Variants in DMD observed in about 807,000 individuals in gnomAD.
The protein encoded by DMD is dystrophin.
In DMD, 63 loss-of-function variants were observed where a neutral mutation model predicts 330.1. The ratio of observed to expected loss-of-function variants is 0.19; its 90% confidence interval spans 0.16 to 0.24. The LOEUF (loss-of-function observed/expected upper bound fraction) is 0.24. DMD is among the 10% of genes least tolerant of loss of function. DMD has a pLI of 1.00. For missense variants in DMD, 3,344 were observed against 2,684.1 expected, an observed-to-expected ratio of 1.25 and a Z score of -5.43; for synonymous variants, 1,223 against 959.8, an observed-to-expected ratio of 1.27 and a Z score of -5.07.
At chrX:32,793,035 G>T (rs1282915032) in intron 7 of DMD, among the ~76,000 whole-genome samples, 1 of 111,408 alleles carries the variant, frequency 9.0e-6, no homozygotes, top group Non-Finnish European at 1.9e-5. Flanking sequence ...ACATTCTCCA[G>T]GACAGACCAT....
At chrX:33,213,814 T>C (rs987681725), upstream of DMD, among the ~76,000 whole-genome samples, 1 of 111,148 alleles carries the variant, frequency 9.0e-6, no homozygotes, top group Non-Finnish European at 1.9e-5. Context: ...GACATTGATA[T>C]GTATACATAT....
intron 11 of DMD, among the ~76,000 whole-genome samples, chrX:32,630,767 C>A (rs902416298): frequency 8.9e-6 from 1 of 111,825 alleles, no homozygotes; most frequent in Non-Finnish European, 1.9e-5. Flanking sequence ...CTCAAATCAG[C>A]CATTTGGAAT....
intron 59 of DMD, among the ~76,000 whole-genome samples, chrX:31,453,765 C>CAAAAAAAA (rs760511403): frequency 1.1e-3 from 10 of 8,974 alleles, no homozygotes; most frequent in African/African-American, 4.0e-3. Context: ...AAAAAACAAG[C>CAAAAAAAA]AAAAAAAAAA....
chrX:32,729,426 T>C (rs916332826), intron 7 of DMD, among the ~76,000 whole-genome samples: 12 of 111,944 alleles, frequency 1.1e-4, no homozygotes, highest in Non-Finnish European at 1.9e-4. Flanking sequence ...AAACATTTCA[T>C]GTTAATGAAT....
chrX:31,395,218 T>C lies in DMD; in HGVS notation c.9085-46584A>G, dbSNP rs1018433126. Among the ~76,000 whole-genome samples the C allele has an allele frequency of 3.6e-5, 4 of 112,097 alleles. No individual in the cohort carries two copies. The Admixed American group carries it at 3.8e-4, about 11-fold the overall frequency. ...ACAAAGGAAGAAAATAATACAAGGT[T>C]GGAAAGACTTTGGAGCTTAGTATTT... On this transcript the variant is annotated intron_variant, in intron 60 of 78. Coordinates refer to ENST00000357033, the MANE Select transcript of DMD (RefSeq NM_004006.3).
chrX:32,865,479 C>G (rs7066036), intron 2 of DMD, among the ~76,000 whole-genome samples: 49,028 of 109,623 alleles, frequency 0.45, 9,534 homozygotes, highest in African/African-American at 0.74. Flanking sequence ...GGAAACTTCA[C>G]ATGCTAAGGA....
chrX:31,529,565 G>C (rs2073542947), intron 55 of DMD, among the ~76,000 whole-genome samples: 1 of 110,903 alleles, frequency 9.0e-6, no homozygotes, highest in South Asian at 3.9e-4. Flanking sequence ...TTCTCTCCAA[G>C]TAACAAAAGG....
At chrX:31,269,381 A>T (rs1184439703) in intron 62 of DMD, among the ~76,000 whole-genome samples, 1 of 111,044 alleles carries the variant, frequency 9.0e-6, no homozygotes, top group Non-Finnish European at 1.9e-5. Context: ...TTTTGATATG[A>T]ACCACGGACA....
At chrX:33,138,422 C>A (rs1185933696) in intron 1 of DMD, among the ~76,000 whole-genome samples, 1 of 111,908 alleles carries the variant, frequency 8.9e-6, no homozygotes, top group Admixed American at 9.5e-5. Context: ...CAGCATTCTC[C>A]TATCCCTAAT....
At chrX:32,089,585 G>A (rs2096462495) in intron 44 of DMD, among the ~76,000 whole-genome samples, 2 of 111,612 alleles carry the variant, frequency 1.8e-5, no homozygotes, top group South Asian at 7.5e-4. Context: ...AATGGCCACT[G>A]GCTCCATCCA....
At chrX:32,535,241 C>A (rs181731060) in intron 17 of DMD, among the ~76,000 whole-genome samples, 1 of 111,475 alleles carries the variant, frequency 9.0e-6, no homozygotes, top group East Asian at 2.8e-4. Flanking sequence ...CGGCCAGAAC[C>A]CATCTGTGCA....
intron 63 of DMD, among the ~76,000 whole-genome samples, chrX:31,248,212 A>T (rs2049012736): frequency 8.9e-6 from 1 of 112,572 alleles, no homozygotes; most frequent in Admixed American, 9.4e-5. Context: ...GAGTAAACAT[A>T]ACTTATATGT....
At chrX:32,518,620 G>A (rs1482644683) in intron 17 of DMD, among the ~76,000 whole-genome samples, 1 of 111,165 alleles carries the variant, frequency 9.0e-6, no homozygotes, top group African/African-American at 3.3e-5. Flanking sequence ...AAGGTTTTGA[G>A]AAGTGCTTGC....
intron 2 of DMD, among the ~76,000 whole-genome samples, chrX:32,969,162 T>C (rs1256917091): frequency 9.2e-5 from 10 of 108,110 alleles, no homozygotes; most frequent in Non-Finnish European, 5.7e-5. Flanking sequence ...TGGTGACTTT[T>C]GGACTCACCA....
At chrX:32,927,617 T>C (rs1380296088) in intron 2 of DMD, among the ~76,000 whole-genome samples, 1 of 111,279 alleles carries the variant, frequency 9.0e-6, no homozygotes, top group Non-Finnish European at 1.9e-5. Context: ...ATGCATACTG[T>C]CTTGGATTAT....
At chrX:32,149,432 C>T (rs180984911) in intron 44 of DMD, among the ~76,000 whole-genome samples, 1 of 112,138 alleles carries the variant, frequency 8.9e-6, no homozygotes, top group East Asian at 2.8e-4. Context: ...TTTAAGTCTA[C>T]TCTATGAGAT....
chrX:32,335,998 A>ATATG (rs1557286297), intron 41 of DMD, among the ~76,000 whole-genome samples: 1 of 37,801 alleles, frequency 2.6e-5, no homozygotes, highest in Admixed American at 3.9e-4. Context: ...TAACGTGTAT[A>ATATG]TATAACGTTA....
chrX:32,672,144 T>C (rs1481351074), intron 9 of DMD, among the ~76,000 whole-genome samples: 2 of 111,396 alleles, frequency 1.8e-5, no homozygotes, highest in African/African-American at 3.3e-5. Context: ...TTTGAATATA[T>C]TAGTTGTGGG....
At chrX:32,279,673 T>G (rs867281566) in intron 43 of DMD, among the ~76,000 whole-genome samples, 103 of 91,992 alleles carry the variant, frequency 1.1e-3, no homozygotes, top group Non-Finnish European at 1.4e-3. Flanking sequence ...TGAAGGGTAG[T>G]GGGGGGGTTG....
Sources: allele counts gnomAD v4.1 joint callset (sites outside exome capture counted in the v4.1 genomes callset), GRCh38; gene constraint gnomAD v4.1.1; transcripts MANE v1.5; gene names NCBI Gene and HGNC (gene_info 2026-07-23, HGNC 2026-07-21).